MAPKAP1: variants seen among roughly 807,000 people sequenced by gnomAD.
MAPKAP1 encodes the protein MAPK associated protein 1.
A neutral mutation model predicts 65.7 loss-of-function variants in MAPKAP1; 20 were observed. The ratio of observed to expected loss-of-function variants is 0.30; its 90% CI spans 0.21 to 0.44. The LOEUF (loss-of-function observed/expected upper bound fraction) is 0.44, where lower values mean the gene tolerates loss of function less well. MAPKAP1 is among the 20% of genes least tolerant of loss of function. The pLI is 1.00. For missense variants in MAPKAP1, 423 were observed against 648.0 expected (o/e 0.65, Z 3.77); for synonymous variants, 222 against 244.3 (o/e 0.91, Z 0.85).
At chr9:125,520,348 G>A (rs1829585327) in intron 7 of MAPKAP1, among the ~76,000 whole-genome samples, 1 of 152,190 alleles carries the variant, frequency 6.6e-6, no homozygotes, top group South Asian at 2.1e-4. Flanking sequence ...AGGGTCTCTA[G>A]TTCTCTAGGA....
chr9:125,695,604 A>G (rs1296270061), intron 1 of MAPKAP1, among the ~76,000 whole-genome samples: 1 of 152,234 alleles, frequency 6.6e-6, no homozygotes, highest in Non-Finnish European at 1.5e-5. Flanking sequence ...AATTTTTTGC[A>G]TTGTACATAA....
At chr9:125,597,295 T>G (rs760501920) in intron 4 of MAPKAP1, among the ~76,000 whole-genome samples, 66 of 134,432 alleles carry the variant, frequency 4.9e-4, no homozygotes, top group Non-Finnish European at 8.9e-4. Flanking sequence ...AAAAAAAAGC[T>G]TGGCCTGGTG....
chr9:125,633,392 T>C (rs1328763289), intron 4 of MAPKAP1, among the ~76,000 whole-genome samples: 1 of 152,192 alleles, frequency 6.6e-6, no homozygotes, highest in Non-Finnish European at 1.5e-5. Flanking sequence ...AGCCAAAAGG[T>C]CAACCACAGC....
At chr9:125,693,602 C>T (rs1367598443) in intron 1 of MAPKAP1, among the ~76,000 whole-genome samples, 23 of 149,078 alleles carry the variant, frequency 1.5e-4, no homozygotes, top group South Asian at 4.2e-4. Flanking sequence ...TACACACACA[C>T]ATACACATAT....
intron 4 of MAPKAP1, among the ~76,000 whole-genome samples, chr9:125,651,574 C>T (rs765313692): frequency 6.6e-6 from 1 of 152,080 alleles, no homozygotes; most frequent in Non-Finnish European, 1.5e-5. Flanking sequence ...CGACTGCACT[C>T]CAGCCTGGGC....
At chr9:125,487,751 C>G (rs1407717873) in intron 8 of MAPKAP1, among the ~76,000 whole-genome samples, 2 of 152,018 alleles carry the variant, frequency 1.3e-5, no homozygotes, top group African/African-American at 2.4e-5. Context: ...AATAAAGCAT[C>G]TTAGCTATAA....
rs949351878 is a variant in MAPKAP1 at position 125,481,043 on chromosome 9, A to C, written c.1207+3400T>G. On this transcript the variant is annotated intron_variant, in intron 9 of 11. Coordinates refer to ENST00000265960, the MANE Select transcript of MAPKAP1 (RefSeq NM_001006617.3). ...GCCAGACACTTTCATAGAATGTTAA[A>C]AGGTAAACATTATTATCCCCATTTC... 1.0e-3 allele frequency among the ~76,000 whole-genome samples: 157 copies of C among 152,046 alleles called. 1 individual carries two copies. Among genetic ancestry groups the C allele is most frequent in the Non-Finnish European group, 4.0e-4 (27 of 68,004 alleles).
At chr9:125,679,277 C>T (rs1003597484) in intron 1 of MAPKAP1, among the ~76,000 whole-genome samples, 84 of 152,312 alleles carry the variant, frequency 5.5e-4, no homozygotes, top group African/African-American at 2.0e-3. Context: ...GCTGGAATTA[C>T]AGGCGTGAGC....
intron 4 of MAPKAP1, among the ~76,000 whole-genome samples, chr9:125,649,713 A>C (rs1030170477): frequency 3.3e-5 from 5 of 150,970 alleles, no homozygotes; most frequent in African/African-American, 1.2e-4. Flanking sequence ...AAAGATGTAC[A>C]GTGTCTTCAA....
chr9:125,605,152 G>A (rs1328381265), intron 4 of MAPKAP1, among the ~76,000 whole-genome samples: 1 of 152,144 alleles, frequency 6.6e-6, no homozygotes, highest in Non-Finnish European at 1.5e-5. Context: ...AGAAACTGTA[G>A]CAAAATTCAC....
intron 5 of MAPKAP1, among the ~76,000 whole-genome samples, chr9:125,576,813 A>C (rs554481444): frequency 3.3e-5 from 5 of 152,100 alleles, no homozygotes; most frequent in African/African-American, 4.8e-5. Context: ...AGTCTCGTTC[A>C]CTCAGTGCTC....
chr9:125,660,028 C>T (rs1248771056), intron 3 of MAPKAP1, among the ~76,000 whole-genome samples: 6 of 152,050 alleles, frequency 3.9e-5, no homozygotes, highest in African/African-American at 1.5e-4. Flanking sequence ...TCACTTGGTC[C>T]CCAGGACTCC....
intron 6 of MAPKAP1, among the ~76,000 whole-genome samples, chr9:125,547,501 A>G (rs979479465): frequency 6.6e-6 from 1 of 152,226 alleles, no homozygotes; most frequent in African/African-American, 2.4e-5. Flanking sequence ...TGAAACAGAC[A>G]ATGAATGCCA....
At chr9:125,542,894 G>A (rs1014714272) in intron 7 of MAPKAP1, 165 bp downstream of exon 7, 6 of 758,110 alleles carry the variant, frequency 7.9e-6, no homozygotes, top group East Asian at 2.5e-5. Flanking sequence ...TTCTGAGGCC[G>A]AGGGGCAGTG....
chr9:125,487,736 C>T (rs1854544528), intron 8 of MAPKAP1, among the ~76,000 whole-genome samples: 2 of 151,986 alleles, frequency 1.3e-5, no homozygotes, highest in Non-Finnish European at 2.9e-5. Flanking sequence ...TCAATGCCAG[C>T]TGCTAATAAA....
At chr9:125,686,195 C>T (rs1474364849) in intron 1 of MAPKAP1, among the ~76,000 whole-genome samples, 3 of 150,978 alleles carry the variant, frequency 2.0e-5, no homozygotes, top group South Asian at 2.1e-4. Flanking sequence ...TGGTGGTGGG[C>T]GCCTGTACTC....
intron 3 of MAPKAP1, among the ~76,000 whole-genome samples, chr9:125,664,010 T>C (rs1480965431): frequency 1.3e-5 from 2 of 152,132 alleles, no homozygotes; most frequent in African/African-American, 2.4e-5. Flanking sequence ...ACTAGAACTA[T>C]AAGAATTTAG....
chr9:125,694,601 G>T (rs934695557), intron 1 of MAPKAP1, among the ~76,000 whole-genome samples: 2 of 151,894 alleles, frequency 1.3e-5, no homozygotes, highest in Admixed American at 6.6e-5. Flanking sequence ...CGTTTTCCCC[G>T]CCCCCTCTCC....
chr9:125,514,086 T>C (rs890364659), intron 7 of MAPKAP1, among the ~76,000 whole-genome samples: 5 of 152,164 alleles, frequency 3.3e-5, no homozygotes, highest in African/African-American at 4.8e-5. Context: ...AGCCTTGGCT[T>C]CTTCCACAAT....
Sources: allele counts gnomAD v4.1 joint callset (sites outside exome capture counted in the v4.1 genomes callset), GRCh38; gene constraint gnomAD v4.1.1; transcripts MANE v1.5; gene names NCBI Gene and HGNC (gene_info 2026-07-23, HGNC 2026-07-21).